Variants in KIF3A observed in about 807,000 individuals in gnomAD.
The protein encoded by KIF3A is kinesin-like protein KIF3A.
In KIF3A, 27 loss-of-function variants were observed where a neutral mutation model predicts 92.6. The ratio of observed to expected loss-of-function variants is 0.29; its 90% CI spans 0.21 to 0.40. The LOEUF (loss-of-function observed/expected upper bound fraction) is 0.40. Among genes scored for constraint, KIF3A ranks in the 10% least tolerant of loss-of-function variants. The pLI, the probability that KIF3A is intolerant of heterozygous loss-of-function variation, is 1.00. For missense variants in KIF3A, 581 were observed against 872.6 expected (o/e 0.67, Z 4.21); for synonymous variants, 250 against 275.4 (o/e 0.91, Z 0.92).
intron 12 of KIF3A, 53 bp from the exon 13 acceptor site, chr5:132,703,118 T>G (rs1166635521): frequency 6.9e-7 from 1 of 1,445,866 alleles, no homozygotes; most frequent in Non-Finnish European, 9.4e-7. Context: ...ATTATTCTAC[T>G]AATATCATTT....
chr5:132,703,164 T>C (rs1179671429), intron 12 of KIF3A, 99 bp from the exon 13 acceptor site: 17 of 1,029,586 alleles, frequency 1.7e-5, no homozygotes, highest in East Asian at 1.3e-4. Flanking sequence ...AATTTCAAAA[T>C]AGAAATATAA....
rs1752790957 is a variant in KIF3A, at chr5:132,695,167, TTTTTA to T, written c.*1462_*1466del. Reference sequence around the variant, plus strand: ...GTGGTTTAGGAGTAGCATAACTTTATTTTTATTTTATTTTTATTTTTTGAGGTGGA... The same window carrying T: ...GTGGTTTAGGAGTAGCATAACTTTATTTTTATTTTTATTTTTTGAGGTGGA... On this transcript the variant is annotated 3_prime_UTR_variant, in exon 19 of 19. Coordinates refer to ENST00000403231, the MANE Select transcript of KIF3A (RefSeq NM_001300791.2). The T allele has an allele frequency of 6.6e-6, 1 of 152,140 alleles. No homozygotes were observed. The highest frequency in any genetic ancestry group is 2.4e-5 in the African/African-American group (1 of 41,410). 9.4% of individuals were successfully genotyped at this position (152,140 alleles called of 1,614,324 possible).
chr5:132,723,592 G>C (rs998361367), intron 4 of KIF3A: 5 of 152,196 alleles, frequency 3.3e-5, no homozygotes, highest in African/African-American at 4.8e-5. Flanking sequence ...AAACTGGCTA[G>C]CCATATGTAG....
intron 18 of KIF3A, among the ~76,000 whole-genome samples, chr5:132,697,163 G>A (rs1752867651): frequency 6.6e-6 from 1 of 152,134 alleles, no homozygotes; most frequent in African/African-American, 2.4e-5. Flanking sequence ...CTAACTATGT[G>A]TTTCTAACAA....
chr5:132,731,857 C>T (rs904783094), intron 2 of KIF3A, among the ~76,000 whole-genome samples: 3 of 152,080 alleles, frequency 2.0e-5, no homozygotes, highest in East Asian at 1.9e-4. Context: ...ATTACAGGCA[C>T]GTGCCACCAT....
Position 132,696,265 on chromosome 5 carries a change from GT to G in KIF3A, c.*368del, listed in dbSNP as rs58963671. 4.9e-4 allele frequency: 76 copies of G among 155,462 alleles called. No homozygotes were observed. Among genetic ancestry groups the G allele is most frequent in the South Asian group, 1.6e-3 (8 of 5,000 alleles). The allele number at this position is 155,462 out of a possible 1,614,324, so 9.6% of individuals were successfully genotyped here. On this transcript the variant is annotated 3_prime_UTR_variant, in exon 19 of 19. Transcript: ENST00000403231. ...CTTTCTATGTGCAAAACAGGACACA[GT>G]TTTTTTTTTTCTATTTTGAAATTCT...
At chr5:132,706,522 A>G in intron 10 of KIF3A, 63 bp from the exon 11 acceptor site, 1 of 1,298,052 alleles carries the variant, frequency 7.7e-7, no homozygotes, top group Non-Finnish European at 1.1e-6. Context: ...GATGAGGAGG[A>G]AAAAAAGGAA....
intron 12 of KIF3A, among the ~76,000 whole-genome samples, 164 bp from the exon 13 acceptor site, chr5:132,703,229 AT>A (rs1309801719): frequency 6.6e-6 from 1 of 152,164 alleles, no homozygotes; most frequent in Non-Finnish European, 1.5e-5. Context: ...TTCTAACTTA[AT>A]TTATAACTCA....
rs1752731844 is a variant in KIF3A, at chr5:132,693,595, C to T, written c.*3039G>A. On this transcript the variant is annotated 3_prime_UTR_variant, in exon 19 of 19. Coordinates refer to ENST00000403231, the MANE Select transcript of KIF3A (RefSeq NM_001300791.2). The stretch of plus-strand genomic sequence containing the variant: ...AACATATTTCATTTGTGGACAAAGA[C>T]ACAGTAAATGTGAGGAAACTACAGA... 1 of 152,720 alleles carries T rather than the reference C, an allele frequency of 6.5e-6. No individual in the cohort carries two copies. The highest frequency in any genetic ancestry group is 1.5e-5 in the Non-Finnish European group (1 of 68,028). The allele number at this position is 152,720 out of a possible 1,614,324, so 9.5% of individuals were successfully genotyped here.
At chr5:132,715,111 G>A (rs1168590318) in intron 8 of KIF3A, among the ~76,000 whole-genome samples, 1 of 152,098 alleles carries the variant, frequency 6.6e-6, no homozygotes, top group Non-Finnish European at 1.5e-5. Flanking sequence ...CGTGGTTCGC[G>A]AAGGAGCTCT....
intron 2 of KIF3A, among the ~76,000 whole-genome samples, chr5:132,729,791 G>C (rs539317273): frequency 6.6e-6 from 1 of 151,374 alleles, no homozygotes; most frequent in Non-Finnish European, 1.5e-5. Context: ...ATATTAGAAA[G>C]GAAAAAAGGT....
rs778315441 is a variant in KIF3A at position 132,720,700 on chromosome 5, A to G, written c.525T>C (p.Pro175=). 6.2e-7 allele frequency: 1 copy of G among 1,601,264 alleles called. No homozygotes were observed. The highest frequency in any genetic ancestry group is 1.1e-5 in the South Asian group (1 of 89,982). The change falls in exon 5 of 19, where the codon CCT becomes CCC. Residue 175 remains proline, a synonymous_variant. Transcript: ENST00000403231. ...QTQRLEVKER[P]DVGVYIKDLS... ...AATCTTTGATATAAACTCCCACATC[A>G]GGTCTTTCTTTAACCTAAAAAAAAA...
At chr5:132,723,953 G>GA (rs750613565) in intron 4 of KIF3A, among the ~76,000 whole-genome samples, 43 of 152,062 alleles carry the variant, frequency 2.8e-4, no homozygotes, top group East Asian at 5.8e-4. Context: ...AAATTTACAA[G>GA]AAAAAAACAA....
intron 9 of KIF3A, among the ~76,000 whole-genome samples, chr5:132,709,746 C>T (rs1256849426): frequency 2.0e-5 from 3 of 152,130 alleles, no homozygotes; most frequent in Non-Finnish European, 4.4e-5. Flanking sequence ...GCAGGCCATA[C>T]GGCTTCATGT....
At position 132,737,540 on chromosome 5, in the gene KIF3A, G is replaced by A. The variant is rs1754448709; in HGVS notation, c.-121C>T. On this transcript the variant is annotated 5_prime_UTR_variant, in exon 1 of 19. Transcript: ENST00000403231. ...CCTCGTTGACGCTCTCGAGACTGCG[G>A]CTTCTCGGGCGAGAGCGCCCAGTGC... 4.2e-6 allele frequency: 5 copies of A among 1,197,820 alleles called. No individual in the cohort carries two copies. Among genetic ancestry groups the A allele is most frequent in the Non-Finnish European group, 5.8e-6 (5 of 869,140 alleles). 74.2% of individuals were successfully genotyped at this position (1,197,820 alleles called of 1,614,324 possible). A position where few individuals can be genotyped will look rare whatever the true frequency, so the allele number is the denominator to read the frequency against.
At chr5:132,698,067 T>C (rs528829124) in intron 18 of KIF3A, 1 of 152,286 alleles carries the variant, frequency 6.6e-6, no homozygotes, top group South Asian at 2.1e-4. Context: ...ATGTAAAAAT[T>C]TGTACATTTT....
At chr5:132,705,359 A>G (rs1753174868) in intron 11 of KIF3A, among the ~76,000 whole-genome samples, 1 of 151,964 alleles carries the variant, frequency 6.6e-6, no homozygotes, top group Admixed American at 6.5e-5. Flanking sequence ...AAAATAATAA[A>G]TGCATGAAGA....
At chr5:132,713,070 A>G (rs965463747) in intron 8 of KIF3A, among the ~76,000 whole-genome samples, 4 of 152,208 alleles carry the variant, frequency 2.6e-5, no homozygotes, top group Admixed American at 1.3e-4. Context: ...AGGCAGGAGA[A>G]TCGCTTGAAC....
chr5:132,731,303 G>A (rs1280271553), intron 2 of KIF3A, among the ~76,000 whole-genome samples: 1 of 151,888 alleles, frequency 6.6e-6, no homozygotes, highest in Admixed American at 6.6e-5. Flanking sequence ...AACAATATAT[G>A]AACAGAATAA....
Sources: gnomAD v4.1 joint callset for allele counts (sites outside exome capture counted in the v4.1 genomes callset) on GRCh38, gnomAD v4.1.1 for gene constraint, MANE v1.5 for transcripts, NCBI Gene and HGNC (gene_info 2026-07-23, HGNC 2026-07-21) for gene names.